Variants in KIAA1549 observed in about 807,000 individuals in gnomAD.
KIAA1549 encodes KIAA1549, also known as UPF0606 protein KIAA1549.
A neutral mutation model predicts 156.4 loss-of-function variants in KIAA1549; 70 were observed. That is an observed-to-expected ratio of 0.45 (90% confidence interval 0.37 to 0.55). The LOEUF is 0.55. Ranked by LOEUF, KIAA1549 falls within the 20% of genes least tolerant of loss-of-function variation. The pLI is 0.00. For missense variants in KIAA1549, 2,428 were observed against 2,540.9 expected, an observed-to-expected ratio of 0.96 and a Z score of 0.96; for synonymous variants, 1,103 against 1,066.4, an observed-to-expected ratio of 1.03 and a Z score of -0.67.
chr7:138,881,261 C>T (rs1811233008), intron 11 of KIAA1549, 127 bp downstream of exon 11: 1 of 897,488 alleles, frequency 1.1e-6, no homozygotes, highest in Non-Finnish European at 1.7e-6. Context: ...TTGGGCAAGT[C>T]ATCAGTCTGC....
chr7:138,841,209 C>T (rs1047948399), intron 18 of KIAA1549, among the ~76,000 whole-genome samples: 16 of 152,102 alleles, frequency 1.1e-4, no homozygotes, highest in South Asian at 6.2e-4. Context: ...CTTGTGGCTT[C>T]GAGATTCACA....
chr7:138,887,615 A>C (rs1201096706), intron 10 of KIAA1549, among the ~76,000 whole-genome samples: 5 of 152,150 alleles, frequency 3.3e-5, no homozygotes, highest in African/African-American at 1.2e-4. Context: ...CACTTTACAG[A>C]AGAGAGGCCC....
intron 7 of KIAA1549, 104 bp from the exon 8 acceptor site, chr7:138,903,840 T>TGC (rs1563070693): frequency 4.0e-6 from 2 of 503,686 alleles, no homozygotes; most frequent in African/African-American, 9.0e-5. Flanking sequence ...TGTGTGTGTG[T>TGC]GTGTGTGTGT....
intron 18 of KIAA1549, among the ~76,000 whole-genome samples, chr7:138,842,638 C>T (rs901366178): frequency 1.9e-4 from 28 of 150,708 alleles, no homozygotes; most frequent in African/African-American, 4.6e-4. Context: ...GGTTGCAGTG[C>T]GCCGAGACTG....
In KIAA1549 at chr7:138,916,962, G is replaced by A. The variant is rs552102946; in HGVS notation, c.2664C>T (p.Thr888=). The A allele has an allele frequency of 2.0e-5, 32 of 1,602,604 alleles. No homozygotes were observed. The highest frequency in any genetic ancestry group is 4.0e-5 in the African/African-American group (3 of 74,962). Residue 888 remains threonine, a synonymous_variant, in exon 2 of 20, where the codon ACC becomes ACT. Coordinates refer to ENST00000422774, the MANE Select transcript of KIAA1549 (RefSeq NM_001164665.2). ...CGAGGGGACCACCAGTGGCAGCACC[G>A]GTGCTGGTTGTGCTCACTTCCGTGG... ...NTSTEVSTTS[T]GAATGGPLDS...
chr7:138,956,132 G>C (rs560554141), intron 1 of KIAA1549, among the ~76,000 whole-genome samples: 2 of 152,120 alleles, frequency 1.3e-5, no homozygotes, highest in Non-Finnish European at 2.9e-5. Context: ...GACCTCAAGC[G>C]ACACGCCCAC....
Position 138,959,520 on chromosome 7 carries a change from G to A in KIAA1549, c.187+21563C>T, listed in dbSNP as rs544208374. On this transcript the variant is annotated intron_variant, in intron 1 of 19. Transcript: ENST00000422774. Reference sequence around the variant, plus strand: ...AAAAAGCCTGCAATTAACCTAACGCGCATTTTACGAATGGAGAAAAATGTC... The same window carrying A: ...AAAAAGCCTGCAATTAACCTAACGCACATTTTACGAATGGAGAAAAATGTC... Among the ~76,000 whole-genome samples the A allele has an allele frequency of 3.3e-5, 5 of 152,228 alleles. No individual in the cohort carries two copies. The South Asian group carries it at 6.2e-4, about 19-fold the overall frequency.
intron 10 of KIAA1549, among the ~76,000 whole-genome samples, chr7:138,885,403 T>C (rs1376206947): frequency 1.3e-5 from 2 of 152,200 alleles, no homozygotes; most frequent in African/African-American, 4.8e-5. Flanking sequence ...CCTAGCAGCA[T>C]GACCCATAAA....
chr7:138,864,033 C>T (rs528855816), intron 15 of KIAA1549, among the ~76,000 whole-genome samples: 13 of 152,256 alleles, frequency 8.5e-5, no homozygotes, highest in African/African-American at 3.1e-4. Context: ...CAGTGTACCA[C>T]CAACCTAGAG....
intron 1 of KIAA1549, among the ~76,000 whole-genome samples, chr7:138,942,599 G>A (rs530575834): frequency 1.3e-5 from 2 of 151,882 alleles, no homozygotes; most frequent in African/African-American, 4.8e-5. Context: ...GGTGATACAT[G>A]CGCTCCCTTA....
chr7:138,966,111 G>T (rs1814016880), intron 1 of KIAA1549, among the ~76,000 whole-genome samples: 1 of 152,138 alleles, frequency 6.6e-6, no homozygotes, highest in Non-Finnish European at 1.5e-5. Context: ...GTTACGGGTT[G>T]AACTGTGTGC....
intron 1 of KIAA1549, among the ~76,000 whole-genome samples, chr7:138,935,264 A>G (rs1353093861): frequency 6.6e-6 from 1 of 152,180 alleles, no homozygotes; most frequent in Non-Finnish European, 1.5e-5. Flanking sequence ...ATTTCTGTGC[A>G]TGACTTTCTC....
chr7:138,858,008 G>C (rs140829828), intron 16 of KIAA1549, among the ~76,000 whole-genome samples: 28 of 152,268 alleles, frequency 1.8e-4, no homozygotes, highest in Non-Finnish European at 2.9e-4. Context: ...TATTGATAAG[G>C]CTGGATTTAA....
chr7:138,888,579 C>A (rs1811463455), intron 10 of KIAA1549, among the ~76,000 whole-genome samples: 1 of 152,230 alleles, frequency 6.6e-6, no homozygotes, highest in Non-Finnish European at 1.5e-5. Flanking sequence ...CTAAACCCCA[C>A]ACTTACTAGT....
chr7:138,888,591 G>A (rs997487358), intron 10 of KIAA1549, among the ~76,000 whole-genome samples: 4 of 152,132 alleles, frequency 2.6e-5, no homozygotes, highest in East Asian at 1.9e-4. Context: ...CTTACTAGTC[G>A]AATATTTTTT....
At chr7:138,874,003 T>C (rs1487969202) in intron 12 of KIAA1549, among the ~76,000 whole-genome samples, 2 of 148,340 alleles carry the variant, frequency 1.3e-5, no homozygotes, top group African/African-American at 4.9e-5. Context: ...TTTTTGTTTA[T>C]AGAACTGTAT....
intron 1 of KIAA1549, among the ~76,000 whole-genome samples, chr7:138,977,348 C>T (rs1391563068): frequency 6.6e-6 from 1 of 152,072 alleles, no homozygotes; most frequent in East Asian, 1.9e-4. Context: ...ATATTCAATT[C>T]TAAAGCAATA....
At chr7:138,854,770 G>A (rs1810336256) in intron 16 of KIAA1549, among the ~76,000 whole-genome samples, 1 of 152,050 alleles carries the variant, frequency 6.6e-6, no homozygotes, top group Non-Finnish European at 1.5e-5. Context: ...ATTGAATAAT[G>A]GTGTTTATTA....
intron 1 of KIAA1549, among the ~76,000 whole-genome samples, chr7:138,965,306 A>G (rs1299740311): frequency 6.6e-6 from 1 of 152,160 alleles, no homozygotes; most frequent in African/African-American, 2.4e-5. Context: ...GAAAAAGCCA[A>G]TAAAGATACT....
Sources: allele counts gnomAD v4.1 joint callset (sites outside exome capture counted in the v4.1 genomes callset), GRCh38; gene constraint gnomAD v4.1.1; transcripts MANE v1.5; gene names NCBI Gene and HGNC (gene_info 2026-07-23, HGNC 2026-07-21).